CEP57L1: variants seen among roughly 807,000 people sequenced by gnomAD.
The protein encoded by CEP57L1 is centrosomal protein 57 like 1.
Under a neutral mutation model 61.0 loss-of-function variants are expected in CEP57L1, and 37 were observed. The observed-to-expected ratio is 0.61, with a 90% CI of 0.47 to 0.80. The LOEUF is 0.80. Ranked by LOEUF, CEP57L1 falls within the 30% of genes least tolerant of loss-of-function variation. CEP57L1 has a pLI of 0.00. For missense variants in CEP57L1, 422 were observed against 524.7 expected (o/e 0.80, Z 1.91); for synonymous variants, 137 against 162.3 (o/e 0.84, Z 1.19).
intron 1 of CEP57L1, among the ~76,000 whole-genome samples, chr6:109,097,051 T>C (rs775207624): frequency 6.6e-6 from 1 of 152,236 alleles, no homozygotes; most frequent in Admixed American, 6.5e-5. Flanking sequence ...TTATCTCTTA[T>C]GAATCTAATT....
chr6:109,147,444 A>T (rs1772090620), intron 3 of CEP57L1, among the ~76,000 whole-genome samples: 1 of 152,164 alleles, frequency 6.6e-6, no homozygotes, highest in Admixed American at 6.5e-5. Flanking sequence ...GGAAATTATG[A>T]AAAATTTTAG....
chr6:109,112,876 T>C (rs1771825931), intron 1 of CEP57L1, among the ~76,000 whole-genome samples: 1 of 152,134 alleles, frequency 6.6e-6, no homozygotes, highest in Non-Finnish European at 1.5e-5. Context: ...TCTGAGAGAC[T>C]GTTTGTTATG....
intron 1 of CEP57L1, chr6:109,124,949 T>C (rs1451191051): frequency 6.6e-6 from 1 of 152,208 alleles, no homozygotes; most frequent in African/African-American, 2.4e-5. Context: ...GAATGTTTAA[T>C]GAATGAAACT....
rs1774218564 is a variant in CEP57L1, at chr6:109,168,123, TTCTA to T, written c.*5161_*5164del. ...TTGGCCTGTTTGTAATTTCTTCATT[TTCTA>T]TCTATCTTGATTTATATACCTTCAC... is the stretch of plus-strand genomic sequence containing the variant. On this transcript the variant is annotated 3_prime_UTR_variant, in exon 11 of 11. Coordinates refer to ENST00000517392, the MANE Select transcript of CEP57L1 (RefSeq NM_001271852.3). Among the ~76,000 whole-genome samples, 2 of 152,272 alleles carry T rather than the reference TTCTA, an allele frequency of 1.3e-5. No individual in the cohort carries two copies. The highest frequency in any genetic ancestry group is 1.3e-4 in the Admixed American group (2 of 15,292).
rs368959121 is a variant in CEP57L1 at position 109,139,594 on chromosome 6, C to T, written c.-3-5625C>T. 5.3e-5 allele frequency among the ~76,000 whole-genome samples: 8 copies of T among 151,618 alleles called. No individual in the cohort carries two copies. In the East Asian group the frequency reaches 7.8e-4, roughly 15 times the overall value. ...TGGGTTCAAGTGATTCTCCTGCCTCCGCTTTTCAAGCTTCCCAAGTAGCTG... is the reference window on the plus strand; with the variant it reads ...TGGGTTCAAGTGATTCTCCTGCCTCTGCTTTTCAAGCTTCCCAAGTAGCTG... On this transcript the variant is annotated intron_variant, in intron 1 of 10. Transcript: ENST00000517392.
intron 8 of CEP57L1, 31 bp from the exon 9 acceptor site, chr6:109,159,238 T>G (rs901325563): frequency 9.9e-6 from 16 of 1,614,030 alleles, no homozygotes; most frequent in Non-Finnish European, 1.4e-5. Context: ...CAAGCTGTTC[T>G]GTGAATGCAA....
intron 10 of CEP57L1, among the ~76,000 whole-genome samples, chr6:109,161,805 C>G (rs912386238): frequency 6.6e-6 from 1 of 151,850 alleles, no homozygotes; most frequent in African/African-American, 2.4e-5. Context: ...GATTTATATT[C>G]CATAATAGCT....
intron 1 of CEP57L1, among the ~76,000 whole-genome samples, chr6:109,117,676 T>A (rs1251199785): frequency 6.6e-6 from 1 of 152,190 alleles, no homozygotes; most frequent in Non-Finnish European, 1.5e-5. Context: ...CAAACAGTAT[T>A]GGAATTGAAA....
In CEP57L1 at chr6:109,130,391, T is replaced by C. The variant is rs528660022; in HGVS notation, c.-3-14828T>C. Among the ~76,000 whole-genome samples the C allele has an allele frequency of 1.6e-3, 244 of 149,464 alleles. 1 individual carries two copies. The highest frequency in any genetic ancestry group is 5.8e-3 in the African/African-American group (237 of 40,578). On this transcript the variant is annotated intron_variant, in intron 1 of 10. Coordinates refer to ENST00000517392, the MANE Select transcript of CEP57L1 (RefSeq NM_001271852.3). ...ATCATATCTTCAAGGTTCATCAAAA[T>C]TGAAGCCTCTGTCAGAGTTTCCTTC...
chr6:109,100,672 CAA>C (rs539993641), intron 1 of CEP57L1, among the ~76,000 whole-genome samples: 3 of 74,032 alleles, frequency 4.1e-5, no homozygotes, highest in African/African-American at 5.1e-5. Flanking sequence ...GAGATTGTCT[CAA>C]AAAAAAAAAA....
intron 7 of CEP57L1, 28 bp downstream of exon 7, chr6:109,155,905 A>G: frequency 9.5e-7 from 1 of 1,050,812 alleles, no homozygotes; most frequent in Non-Finnish European, 1.5e-6. Flanking sequence ...TTTCCCAAAC[A>G]AAAATACTGC....
intron 1 of CEP57L1, among the ~76,000 whole-genome samples, chr6:109,123,013 G>A (rs915290686): frequency 5.3e-5 from 8 of 151,972 alleles, no homozygotes; most frequent in East Asian, 1.9e-4. Context: ...TTTATGGGCC[G>A]TATCCCTAGA....
chr6:109,166,952 C>T lies in CEP57L1; in HGVS notation c.*3982C>T, dbSNP rs1236867314. On this transcript the variant is annotated 3_prime_UTR_variant, in exon 11 of 11. Coordinates refer to ENST00000517392, the MANE Select transcript of CEP57L1 (RefSeq NM_001271852.3). ...TAGGTGACGTGTAGATAAGTATAAG[C>T]TGACACTCAGACATATGACAAGACA... 6.6e-6 allele frequency among the ~76,000 whole-genome samples: 1 copy of T among 152,152 alleles called. No homozygotes were observed. The highest frequency in any genetic ancestry group is 2.4e-5 in the African/African-American group (1 of 41,434).
At chr6:109,159,231 G>A (rs369280082) in intron 8 of CEP57L1, 38 bp from the exon 9 acceptor site, 2 of 1,613,932 alleles carry the variant, frequency 1.2e-6, no homozygotes, top group South Asian at 1.1e-5. Flanking sequence ...ACCAGTGCAA[G>A]CTGTTCTGTG....
intron 7 of CEP57L1, chr6:109,156,921 A>G (rs1285440576): frequency 1.3e-5 from 2 of 152,010 alleles, no homozygotes; most frequent in South Asian, 2.1e-4. Context: ...TTTGTGTCTT[A>G]TTTGTGCAAT....
intron 7 of CEP57L1, chr6:109,158,620 A>G (rs1415674025): frequency 6.5e-6 from 3 of 460,026 alleles, no homozygotes; most frequent in South Asian, 1.5e-5. Context: ...TAAGAGAACA[A>G]TTGTTGGGTC....
intron 3 of CEP57L1, among the ~76,000 whole-genome samples, chr6:109,147,773 T>C (rs1015502775): frequency 6.6e-6 from 1 of 152,166 alleles, no homozygotes; most frequent in Admixed American, 6.6e-5. Flanking sequence ...AGAAGAAATA[T>C]ATTGATAGGT....
chr6:109,145,173 TAA>T, intron 1 of CEP57L1, 44 bp from the exon 2 acceptor site: 1 of 1,230,542 alleles, frequency 8.1e-7, no homozygotes, highest in Non-Finnish European at 1.1e-6. Context: ...CATTTACCCT[TAA>T]AATAGGAAAG....
intron 4 of CEP57L1, among the ~76,000 whole-genome samples, chr6:109,152,553 T>G (rs1772734145): frequency 1.3e-5 from 2 of 152,086 alleles, no homozygotes; most frequent in Admixed American, 1.3e-4. Context: ...GAGTTCTTGC[T>G]CCCTCACGGT....
Sources: allele counts gnomAD v4.1 joint callset (sites outside exome capture counted in the v4.1 genomes callset), GRCh38; gene constraint gnomAD v4.1.1; transcripts MANE v1.5; gene names NCBI Gene and HGNC (gene_info 2026-07-23, HGNC 2026-07-21).